TMEM108: variants seen among roughly 807,000 people sequenced by gnomAD.
The protein encoded by TMEM108 is transmembrane protein 108.
TMEM108 carries 12 observed loss-of-function variants against 35.1 expected under a neutral mutation model. That is an observed-to-expected ratio of 0.34 (90% CI 0.22 to 0.55). The LOEUF is 0.55. Among genes scored for constraint, TMEM108 ranks in the 20% least tolerant of loss-of-function variants. The pLI, the probability that TMEM108 is intolerant of heterozygous loss-of-function variation, is 0.89. For synonymous variants in TMEM108, 287 were observed against 308.6 expected (o/e 0.93, Z 0.73); for missense variants, 680 against 753.3 (o/e 0.90, Z 1.14).
intron 2 of TMEM108, among the ~76,000 whole-genome samples, chr3:133,051,345 G>A (rs1240797753): frequency 6.6e-6 from 1 of 152,014 alleles, no homozygotes; most frequent in East Asian, 1.9e-4. Flanking sequence ...AAGGTCTTTG[G>A]ACTATTTTTT....
At chr3:133,120,138 C>T (rs1559838330) in intron 2 of TMEM108, among the ~76,000 whole-genome samples, 1 of 152,164 alleles carries the variant, frequency 6.6e-6, no homozygotes, top group Non-Finnish European at 1.5e-5. Flanking sequence ...AACTTCTGTA[C>T]CATGCTTGAG....
At chr3:133,265,212 C>G in intron 3 of TMEM108, among the ~76,000 whole-genome samples, 1 of 152,190 alleles carries the variant, frequency 6.6e-6, no homozygotes, top group East Asian at 1.9e-4. Context: ...AAGACAGGAT[C>G]CTTTGGTTAT....
intron 3 of TMEM108, among the ~76,000 whole-genome samples, chr3:133,376,378 C>T (rs556389245): frequency 6.6e-6 from 1 of 152,312 alleles, no homozygotes; most frequent in African/African-American, 2.4e-5. Flanking sequence ...CTGCTGTGTC[C>T]TTGGTCTCCG....
chr3:133,252,648 A>C (rs1397075631), intron 3 of TMEM108, among the ~76,000 whole-genome samples: 1 of 152,168 alleles, frequency 6.6e-6, no homozygotes, highest in Non-Finnish European at 1.5e-5. Context: ...GTATAATGAA[A>C]AGTAGAGAAA....
At chr3:133,361,555 G>T (rs148330010) in intron 3 of TMEM108, among the ~76,000 whole-genome samples, 1 of 152,260 alleles carries the variant, frequency 6.6e-6, no homozygotes, top group East Asian at 1.9e-4. Flanking sequence ...ATACTTAGTG[G>T]GGACAGCTTG....
intron 2 of TMEM108, among the ~76,000 whole-genome samples, chr3:133,221,014 T>C (rs1156345055): frequency 1.3e-5 from 2 of 152,096 alleles, no homozygotes; most frequent in Non-Finnish European, 2.9e-5. Flanking sequence ...TCTAGAACAG[T>C]CCCAAGCATA....
At chr3:133,152,668 A>C (rs1272789993) in intron 2 of TMEM108, among the ~76,000 whole-genome samples, 1 of 152,138 alleles carries the variant, frequency 6.6e-6, no homozygotes, top group Non-Finnish European at 1.5e-5. Context: ...CCTGGAGAAC[A>C]TGCAAACTTG....
At chr3:133,255,814 C>A (rs1296459608) in intron 3 of TMEM108, among the ~76,000 whole-genome samples, 2 of 152,052 alleles carry the variant, frequency 1.3e-5, no homozygotes, top group Non-Finnish European at 2.9e-5. Flanking sequence ...CATGGTAAAA[C>A]CCCATCTCTA....
chr3:133,091,341 C>T (rs1025398929), intron 2 of TMEM108, among the ~76,000 whole-genome samples: 1 of 152,084 alleles, frequency 6.6e-6, no homozygotes. Context: ...AATTATGGGG[C>T]AATAATAGAT....
In TMEM108 at chr3:133,229,333, C is replaced by T. The variant is rs1412041947; in HGVS notation, c.22C>T (p.Leu8Phe). The part of the protein sequence containing the change: MKRSLQA[L>F]YCQLLSFLLI... Reference sequence around the variant, plus strand: ...TACCATGAAGAGAAGTTTACAGGCCCTCTATTGCCAACTGTTAAGTAAGTT... The same window carrying T: ...TACCATGAAGAGAAGTTTACAGGCCTTCTATTGCCAACTGTTAAGTAAGTT... Residue 8 changes from leucine (L) to phenylalanine (F), a missense_variant, in exon 3 of 6, where the codon CTC becomes TTC. Physicochemically the swap from Leu to Phe is conservative, Grantham distance 22. Coordinates refer to ENST00000321871, the MANE Select transcript of TMEM108 (RefSeq NM_023943.4). 1.2e-6 allele frequency: 2 copies of T among 1,613,070 alleles called. No individual in the cohort carries two copies. Among genetic ancestry groups the T allele is most frequent in the Admixed American group, 1.7e-5 (1 of 59,946 alleles).
chr3:133,381,036 G>T lies in TMEM108; in HGVS notation c.1325G>T (p.Gly442Val). 6.2e-7 allele frequency: 1 copy of T among 1,614,186 alleles called. No individual in the cohort carries two copies. Among genetic ancestry groups the T allele is most frequent in the Admixed American group, 1.7e-5 (1 of 60,020 alleles). Residue 442 changes from glycine (G) to valine (V), a missense_variant, in exon 4 of 6, where the codon GGG (glycine) becomes GTG (valine). Physicochemically the swap from Gly to Val is moderately radical, Grantham distance 109. Coordinates refer to ENST00000321871, the MANE Select transcript of TMEM108 (RefSeq NM_023943.4). Reference protein sequence around the residue: ...RLVPAGTWKPGTAGNISHVAE... With the variant: ...RLVPAGTWKPVTAGNISHVAE... ...GTCCCCGCCGGGACCTGGAAGCCTGGGACAGCAGGGAACATCTCCCATGTG... is the reference window on the plus strand; with the variant it reads ...GTCCCCGCCGGGACCTGGAAGCCTGTGACAGCAGGGAACATCTCCCATGTG...
intron 4 of TMEM108, among the ~76,000 whole-genome samples, chr3:133,383,512 G>A (rs1365491536): frequency 2.0e-5 from 3 of 152,158 alleles, no homozygotes; most frequent in Non-Finnish European, 4.4e-5. Flanking sequence ...TCTTTGAGCT[G>A]GATAGCCTGC....
At chr3:133,097,297 C>A (rs1221732592) in intron 2 of TMEM108, among the ~76,000 whole-genome samples, 1 of 152,122 alleles carries the variant, frequency 6.6e-6, no homozygotes. Context: ...AAGGAGTAGA[C>A]AAAAAGAAGT....
At chr3:133,038,589 C>T (rs1393910488) in intron 1 of TMEM108, among the ~76,000 whole-genome samples, 154 bp downstream of exon 1, 1 of 152,194 alleles carries the variant, frequency 6.6e-6, no homozygotes, top group African/African-American at 2.4e-5. Context: ...GCCTTGGTTT[C>T]CCTTTTCCTA....
At chr3:133,164,978 T>A (rs1393667182) in intron 2 of TMEM108, among the ~76,000 whole-genome samples, 1 of 147,648 alleles carries the variant, frequency 6.8e-6, no homozygotes, top group Non-Finnish European at 1.5e-5. Context: ...TACACATTTG[T>A]ACACTTACAG....
intron 3 of TMEM108, chr3:133,378,374 C>T: frequency 5.1e-6 from 5 of 985,536 alleles, no homozygotes; most frequent in Non-Finnish European, 6.0e-6. Flanking sequence ...ACCTGGGAAT[C>T]ACAGCTGGGG....
chr3:133,234,639 A>G (rs1435009617), intron 3 of TMEM108, among the ~76,000 whole-genome samples: 2 of 152,164 alleles, frequency 1.3e-5, no homozygotes, highest in Non-Finnish European at 2.9e-5. Flanking sequence ...CCCACAGCCA[A>G]TATCATACTG....
chr3:133,211,899 G>A (rs183848746), intron 2 of TMEM108, among the ~76,000 whole-genome samples: 25 of 152,212 alleles, frequency 1.6e-4, no homozygotes, highest in East Asian at 1.3e-3. Context: ...CTGCATCTTG[G>A]TGGAACTGAC....
At chr3:133,147,977 T>G (rs1234198922) in intron 2 of TMEM108, among the ~76,000 whole-genome samples, 3 of 152,206 alleles carry the variant, frequency 2.0e-5, no homozygotes, top group Non-Finnish European at 4.4e-5. Flanking sequence ...AATCCTATGG[T>G]GCTGGATTAA....
Sources: gnomAD v4.1 joint callset for allele counts (sites outside exome capture counted in the v4.1 genomes callset) on GRCh38, gnomAD v4.1.1 for gene constraint, MANE v1.5 for transcripts, NCBI Gene and HGNC (gene_info 2026-07-23, HGNC 2026-07-21) for gene names.